Variants in COG6 observed in about 807,000 individuals in gnomAD.
COG6 encodes the protein conserved oligomeric Golgi complex subunit 6.
A neutral mutation model predicts 88.8 loss-of-function variants in COG6; 74 were observed. That is an observed-to-expected ratio of 0.83 (90% CI 0.69 to 1.01). The LOEUF (loss-of-function observed/expected upper bound fraction) is 1.01. COG6 is among the 50% of genes least tolerant of loss of function. The pLI is 0.00. For missense variants in COG6, 800 were observed against 797.9 expected (o/e 1.00, Z -0.03); for synonymous variants, 286 against 278.7 (o/e 1.03, Z -0.26).
At chr13:39,715,845 T>G (rs2138068334) in intron 13 of COG6, among the ~76,000 whole-genome samples, 1 of 152,144 alleles carries the variant, frequency 6.6e-6, no homozygotes, top group Non-Finnish European at 1.5e-5. Context: ...ATGCATATAT[T>G]TATACATAAT....
chr13:39,781,841 C>T (rs1249464453), intron 18 of COG6, among the ~76,000 whole-genome samples: 1 of 152,168 alleles, frequency 6.6e-6, no homozygotes, highest in African/African-American at 2.4e-5. Flanking sequence ...ATAATTTTAA[C>T]AAATATTAGA....
At chr13:39,791,112 T>C (rs1390199700) in exon 19 of COG6, 1 of 152,128 alleles carries the variant, frequency 6.6e-6, no homozygotes, top group East Asian at 1.9e-4. Context: ...AATGACAATC[T>C]CGCTAGCAAG....
intron 18 of COG6, among the ~76,000 whole-genome samples, chr13:39,759,494 A>C (rs1249664881): frequency 6.6e-6 from 1 of 152,162 alleles, no homozygotes; most frequent in Non-Finnish European, 1.5e-5. Flanking sequence ...CAGGTCAGTT[A>C]ATCTTTCCTA....
At chr13:39,779,954 C>T (rs1881579537) in intron 18 of COG6, among the ~76,000 whole-genome samples, 1 of 152,122 alleles carries the variant, frequency 6.6e-6, no homozygotes. Context: ...CTAGGCAAGT[C>T]ACAGTATTTC....
intron 4 of COG6, among the ~76,000 whole-genome samples, chr13:39,675,919 A>T (rs1486152151): frequency 1.3e-5 from 2 of 152,244 alleles, no homozygotes; most frequent in East Asian, 3.9e-4. Flanking sequence ...AAGCTTTTAA[A>T]AATTCATTTT....
chr13:39,735,923 T>G (rs530248926), intron 18 of COG6, among the ~76,000 whole-genome samples: 66 of 152,278 alleles, frequency 4.3e-4, no homozygotes, highest in African/African-American at 1.6e-3. Context: ...TTTCTCTTGC[T>G]GCTTTTACGT....
rs1483757757 is a variant in COG6, at chr13:39,751,127, C to T, written c.*34C>T. 1.9e-6 allele frequency: 3 copies of T among 1,611,280 alleles called. No homozygotes were observed. Among genetic ancestry groups the T allele is most frequent in the Non-Finnish European group, 2.5e-6 (3 of 1,178,382 alleles). ...TTTCATTGTGTTAGCAAAATATGAC[C>T]TCCCTAAAACACTGAAGGTTATTTT... On this transcript the variant is annotated 3_prime_UTR_variant, in exon 19 of 19. Transcript: ENST00000455146.
chr13:39,776,327 T>G (rs1395887710), intron 18 of COG6, among the ~76,000 whole-genome samples: 1 of 152,184 alleles, frequency 6.6e-6, no homozygotes, highest in East Asian at 1.9e-4. Flanking sequence ...CTGACCAATT[T>G]TATCCAAAGA....
chr13:39,756,194 C>T (rs1391863913), downstream of COG6, among the ~76,000 whole-genome samples: 4 of 151,994 alleles, frequency 2.6e-5, no homozygotes, highest in African/African-American at 9.7e-5. Context: ...TTTAAAGTTA[C>T]ACTTTATAAA....
rs1566194445 is a variant in COG6 at position 39,719,694 on chromosome 13, T to C, written c.1451T>C (p.Met484Thr). Reference protein sequence around the residue: ...LSCVLDPLLQMCTVSASNLGT... With the variant: ...LSCVLDPLLQTCTVSASNLGT... ...TGTGTCTTGGATCCTCTCCTACAGA[T>C]GTGTACTGTATCAGCCAGCAATTTA... Residue 484 changes from methionine to threonine, a missense_variant, in exon 15 of 19, where the codon ATG becomes ACG. Met to Thr is a moderately conservative substitution (Grantham distance 81). Transcript: ENST00000455146. 6.2e-7 allele frequency: 1 copy of C among 1,613,002 alleles called. No individual in the cohort carries two copies. Among genetic ancestry groups the C allele is most frequent in the Non-Finnish European group, 8.5e-7 (1 of 1,179,208 alleles).
intron 15 of COG6, among the ~76,000 whole-genome samples, chr13:39,720,185 T>C (rs966152586): frequency 6.6e-6 from 1 of 152,130 alleles, no homozygotes; most frequent in African/African-American, 2.4e-5. Context: ...GTGAATAATA[T>C]GCTATATTTT....
chr13:39,688,226 A>G lies in COG6; in HGVS notation c.1009+427A>G, dbSNP rs566468600. ...ACTAATTCTTTCATTTCTGCTACCC[A>G]GCCTCTTTTTTCATTCTCATGGCAC... is the stretch of plus-strand genomic sequence containing the variant. On this transcript the variant is annotated intron_variant, in intron 10 of 18. Transcript: ENST00000455146. 1.4e-3 allele frequency among the ~76,000 whole-genome samples: 209 copies of G among 152,268 alleles called. 1 individual carries two copies. Among genetic ancestry groups the G allele is most frequent in the Middle Eastern group, 6.8e-3 (2 of 294 alleles).
downstream of COG6, among the ~76,000 whole-genome samples, chr13:39,757,542 CAT>C (rs1172328156): frequency 2.0e-5 from 3 of 151,058 alleles, no homozygotes; most frequent in Non-Finnish European, 4.4e-5. Flanking sequence ...AGGATAGAAA[CAT>C]TGACTAATCT....
At chr13:39,663,042 T>A (rs1875009401) in intron 3 of COG6, among the ~76,000 whole-genome samples, 1 of 151,688 alleles carries the variant, frequency 6.6e-6, no homozygotes, top group Non-Finnish European at 1.5e-5. Flanking sequence ...TCATTTTATA[T>A]ATGTTAATAT....
At chr13:39,670,830 A>G (rs1176791119) in intron 4 of COG6, among the ~76,000 whole-genome samples, 2 of 152,040 alleles carry the variant, frequency 1.3e-5, no homozygotes, top group Non-Finnish European at 2.9e-5. Flanking sequence ...AGTTTTTAAT[A>G]GTTTTAATTT....
intron 8 of COG6, among the ~76,000 whole-genome samples, chr13:39,683,835 A>G (rs555826743): frequency 2.0e-4 from 30 of 152,200 alleles, no homozygotes; most frequent in African/African-American, 7.0e-4. Flanking sequence ...TCACTGAGTT[A>G]TAGTTCTTTA....
exon 19 of COG6, chr13:39,788,365 T>C (rs1881837855): frequency 6.4e-7 from 1 of 1,551,616 alleles, no homozygotes; most frequent in South Asian, 1.2e-5. Flanking sequence ...GATCATCTTG[T>C]AACCAGTGCA....
intron 13 of COG6, among the ~76,000 whole-genome samples, chr13:39,706,943 C>T (rs1302267283): frequency 6.6e-6 from 1 of 151,992 alleles, no homozygotes; most frequent in African/African-American, 2.4e-5. Context: ...CTCAGCCTCC[C>T]AAAGTGCTGA....
At chr13:39,784,352 T>A (rs947922001) in intron 18 of COG6, among the ~76,000 whole-genome samples, 14 of 152,240 alleles carry the variant, frequency 9.2e-5, no homozygotes, top group African/African-American at 3.4e-4. Context: ...GTTGGTAAAC[T>A]CCAGCAGAGA....
Sources: gnomAD v4.1 joint callset for allele counts (sites outside exome capture counted in the v4.1 genomes callset) on GRCh38, gnomAD v4.1.1 for gene constraint, MANE v1.5 for transcripts, NCBI Gene and HGNC (gene_info 2026-07-23, HGNC 2026-07-21) for gene names.